ALDOB: variants seen among roughly 807,000 people sequenced by gnomAD.
ALDOB encodes aldolase, fructose-bisphosphate B.
Under a neutral mutation model 41.0 loss-of-function variants are expected in ALDOB, and 39 were observed. That is an observed-to-expected ratio of 0.95 (90% CI 0.74 to 1.24). The LOEUF (loss-of-function observed/expected upper bound fraction) is 1.24. Ranked by LOEUF, ALDOB falls within the 50% of genes most tolerant of loss-of-function variation. The pLI is 0.00. For missense variants in ALDOB, 530 were observed against 457.3 expected, an observed-to-expected ratio of 1.16 and a Z score of -1.45; for synonymous variants, 175 against 168.8, an observed-to-expected ratio of 1.04 and a Z score of -0.28.
chr9:101,423,064 C>T (rs1831072106), intron 8 of ALDOB, among the ~76,000 whole-genome samples: 1 of 152,196 alleles, frequency 6.6e-6, no homozygotes, highest in Admixed American at 6.5e-5. Flanking sequence ...TAAGCTAGGT[C>T]TCCTCAGTCC....
chr9:101,428,228 T>A (rs1831159146), intron 4 of ALDOB, among the ~76,000 whole-genome samples: 1 of 152,182 alleles, frequency 6.6e-6, no homozygotes, highest in Non-Finnish European at 1.5e-5. Flanking sequence ...ATTGTCTAAG[T>A]TAATCCCCAC....
intron 4 of ALDOB, 109 bp downstream of exon 4, chr9:101,428,360 T>C: frequency 9.8e-7 from 1 of 1,018,906 alleles, no homozygotes; most frequent in Non-Finnish European, 1.6e-6. Flanking sequence ...TACGTGTGGC[T>C]CTAAGACCAG....
chr9:101,421,893 C>A lies in ALDOB; in HGVS notation c.1011G>T (p.Gln337His), dbSNP rs566549564. The change falls in exon 9 of 9, where the codon CAG becomes CAT. Residue 337 changes from glutamine (Q) to histidine (H), a missense_variant. Gln to His is a conservative substitution (Grantham distance 24). Coordinates refer to ENST00000647789, the MANE Select transcript of ALDOB (RefSeq NM_000035.4). ...TGTGAACATACTGTCCTTTGGCCGC[C>A]TGGCAGTTAGCCTAGAAGACAAATA... ...AFMKRAMANC[Q>H]AAKGQYVHTG... The A allele has an allele frequency of 6.2e-7, 1 of 1,613,942 alleles. No individual in the cohort carries two copies.
chr9:101,433,547 C>A (rs1447371210), intron 1 of ALDOB, among the ~76,000 whole-genome samples: 1 of 152,106 alleles, frequency 6.6e-6, no homozygotes. Flanking sequence ...GATCTCAAGC[C>A]AACTTTTTTC....
Position 101,427,469 on chromosome 9 carries a change from G to T in ALDOB, c.540+13C>A. 1 of 1,614,138 alleles carries T rather than the reference G, an allele frequency of 6.2e-7. No individual in the cohort carries two copies. The highest frequency in any genetic ancestry group is 8.5e-7 in the Non-Finnish European group (1 of 1,180,006). The stretch of plus-strand genomic sequence containing the variant: ...AGCCTACTCTTTTTCAGCCCAAGGG[G>T]AAGGCAGAGCACCTGCTGACAGATG... On this transcript the variant is annotated intron_variant, in intron 5 of 8. Transcript: ENST00000647789.
rs1312905893 is a variant in ALDOB at position 101,421,833 on chromosome 9, G to T, written c.1071C>A (p.Leu357=). Residue 357 remains leucine, a synonymous_variant, in exon 9 of 9, where the codon CTC becomes CTA. Transcript: ENST00000647789. ...CCTAGTAGGTATAGCAGGCTGTGAA[G>T]AGCGACTGGGTGGAAGCAGCCCCAG... is the stretch of plus-strand genomic sequence containing the variant. ...GSSGAASTQS[L]FTACYTY The T allele has an allele frequency of 3.1e-6, 5 of 1,613,906 alleles. No homozygotes were observed. The highest frequency in any genetic ancestry group is 3.4e-6 in the Non-Finnish European group (4 of 1,179,990).
intron 3 of ALDOB, 145 bp downstream of exon 3, chr9:101,429,610 G>C (rs1221474098): frequency 3.5e-6 from 3 of 850,838 alleles, no homozygotes; most frequent in Non-Finnish European, 6.2e-6. Flanking sequence ...AGAGGATCTT[G>C]TTCTCTGTGG....
chr9:101,430,960 A>G lies in ALDOB; in HGVS notation c.-10-63T>C, dbSNP rs1026142368. 4.4e-6 allele frequency: 5 copies of G among 1,144,286 alleles called. No individual in the cohort carries two copies. The African/African-American group carries it at 6.1e-5, about 14-fold the overall frequency. 70.9% of individuals were successfully genotyped at this position (1,144,286 alleles called of 1,614,324 possible). A position where few individuals can be genotyped will look rare whatever the true frequency, so the allele number is the denominator to read the frequency against. ...GGGTGGCTCAGATGGATGCATGACC[A>G]AGACAGTTGGGGGTGCAGACATGCT... On this transcript the variant is annotated intron_variant, in intron 1 of 8. Transcript: ENST00000647789.
In ALDOB at chr9:101,421,778, G is replaced by C. The variant is rs1488672796; in HGVS notation, c.*31C>G. Reference sequence around the variant, plus strand: ...CTCCCTTTCAGCCCTCCTACTAGAAGCACTGGAGCTAGGCTGGCGGGCATT... The same window carrying C: ...CTCCCTTTCAGCCCTCCTACTAGAACCACTGGAGCTAGGCTGGCGGGCATT... On this transcript the variant is annotated 3_prime_UTR_variant, in exon 9 of 9. Transcript: ENST00000647789. The C allele has an allele frequency of 2.5e-6, 4 of 1,587,192 alleles. No homozygotes were observed.
In ALDOB at chr9:101,426,535, C is replaced by A. The variant is rs374541456; in HGVS notation, c.624+20G>T. ...TAAGATTTTTCAACTAGAATTGGGG[C>A]CTTCATATTTAAAACTTACCTTCTC... is the stretch of plus-strand genomic sequence containing the variant. On this transcript the variant is annotated intron_variant, in intron 6 of 8. Transcript: ENST00000647789. The A allele has an allele frequency of 6.6e-7, 1 of 1,511,668 alleles. No individual in the cohort carries two copies. Among genetic ancestry groups the A allele is most frequent in the Non-Finnish European group, 9.2e-7 (1 of 1,086,568 alleles). The allele number at this position is 1,511,668 out of a possible 1,614,324, so 93.6% of individuals were successfully genotyped here.
intron 8 of ALDOB, among the ~76,000 whole-genome samples, chr9:101,422,257 C>G (rs1034838916): frequency 6.6e-6 from 1 of 152,086 alleles, no homozygotes; most frequent in African/African-American, 2.4e-5. Context: ...AAAAACATTT[C>G]CATTTTCTAC....
chr9:101,420,726 A>G lies in ALDOB; in HGVS notation c.*1083T>C, dbSNP rs1831035154. 1 of 152,066 alleles carries G rather than the reference A, an allele frequency of 6.6e-6. No homozygotes were observed. The highest frequency in any genetic ancestry group is 2.1e-4 in the South Asian group (1 of 4,806). 9.4% of individuals were successfully genotyped at this position (152,066 alleles called of 1,614,324 possible). On this transcript the variant is annotated 3_prime_UTR_variant, in exon 9 of 9. Coordinates refer to ENST00000647789, the MANE Select transcript of ALDOB (RefSeq NM_000035.4). ...CTTTCTTCCACTTCTCCTCCCCCTT[A>G]TATTTCCTAGCTTCTGTCAGTTAAA... is the stretch of plus-strand genomic sequence containing the variant.
chr9:101,427,558 G>A lies in ALDOB; in HGVS notation c.464C>T (p.Ala155Val), dbSNP rs779217290. The stretch of plus-strand genomic sequence containing the variant: ...AGCGAGGCTGGATGGACACTGGTCG[G>A]CAATCCTCAGCACAGCACGCCACTT... Reference protein sequence around the residue: ...FGKWRAVLRIADQCPSSLAIQ... With the variant: ...FGKWRAVLRIVDQCPSSLAIQ... Residue 155 changes from alanine (A) to valine (V), a missense_variant, in exon 5 of 9, where the codon GCC becomes GTC. Transcript: ENST00000647789. 1 of 1,614,130 alleles carries A rather than the reference G, an allele frequency of 6.2e-7. No individual in the cohort carries two copies. The highest frequency in any genetic ancestry group is 1.1e-5 in the South Asian group (1 of 91,080).
Position 101,424,890 on chromosome 9 carries a change from C to A in ALDOB, c.952G>T (p.Ala318Ser), listed in dbSNP as rs1364757729. The change falls in exon 8 of 9, where the codon GCT (alanine) becomes TCT (serine). Residue 318 changes from alanine to serine, a missense_variant. Physicochemically the swap from Ala to Ser is moderately conservative, Grantham distance 99 (BLOSUM62 1). Coordinates refer to ENST00000647789, the MANE Select transcript of ALDOB (RefSeq NM_000035.4). ...ASALAAWGGK[A>S]ANKEATQEAF... ...TCCTGGGTTGCCTCCTTGTTTGCAG[C>A]CTTGCCACCCCAGGCAGCCAGTGCA... is the stretch of plus-strand genomic sequence containing the variant. The A allele has an allele frequency of 4.3e-6, 7 of 1,613,876 alleles. No homozygotes were observed. The highest frequency in any genetic ancestry group is 1.7e-4 in the Middle Eastern group (1 of 5,896).
In ALDOB at chr9:101,429,100, T is replaced by C. The variant is rs573394801; in HGVS notation, c.325-577A>G. 6.6e-5 allele frequency among the ~76,000 whole-genome samples: 10 copies of C among 152,138 alleles called. No individual in the cohort carries two copies. In the South Asian group the frequency reaches 1.0e-3, roughly 16 times the overall value. On this transcript the variant is annotated intron_variant, in intron 3 of 8. Coordinates refer to ENST00000647789, the MANE Select transcript of ALDOB (RefSeq NM_000035.4). ...TAATTATGATAGTTACCATTAACAATAATTACGCAATATAAACTTTTTCTT... is the reference window on the plus strand; with the variant it reads ...TAATTATGATAGTTACCATTAACAACAATTACGCAATATAAACTTTTTCTT...
rs747019279 is a variant in ALDOB, at chr9:101,429,770, G to T, written c.309C>A (p.Ile103=). The change falls in exon 3 of 9, where the codon ATC becomes ATA. Residue 103 remains isoleucine, a synonymous_variant. Transcript: ENST00000647789. The part of the protein sequence containing the change: ...LFRNILKEKG[I]VVGIKLDQGG... The stretch of plus-strand genomic sequence containing the variant: ...AGGTGTTCACCTTGATTCCCACCAC[G>T]ATCCCCTTTTCCTTGAGGATGTTTC... The T allele has an allele frequency of 6.2e-7, 1 of 1,614,142 alleles. No individual in the cohort carries two copies. The highest frequency in any genetic ancestry group is 2.2e-5 in the East Asian group (1 of 44,854).
chr9:101,424,597 C>G (rs745969858), intron 8 of ALDOB, among the ~76,000 whole-genome samples: 12 of 152,166 alleles, frequency 7.9e-5, no homozygotes, highest in Non-Finnish European at 1.6e-4. Flanking sequence ...ATCTCCTTCC[C>G]TCTGAAGTGT....
Position 101,425,520 on chromosome 9 carries a change from A to G in ALDOB, c.732T>C (p.Tyr244=), listed in dbSNP as rs1345605443. 1.9e-6 allele frequency: 3 copies of G among 1,614,156 alleles called. No individual in the cohort carries two copies. Among genetic ancestry groups the G allele is most frequent in the East Asian group, 2.2e-5 (1 of 44,862 alleles). The change falls in exon 7 of 9, where the codon TAT becomes TAC. Residue 244 remains tyrosine, a synonymous_variant. Transcript: ENST00000647789. The stretch of plus-strand genomic sequence containing the variant: ...TGGCCATAGCTACTTGTTCTGGAGT[A>G]TACTTCTTGGTGCAGGCATGTCCAG... ...VTAGHACTKK[Y]TPEQVAMATV...
intron 3 of ALDOB, 31 bp from the exon 4 acceptor site, chr9:101,428,554 A>C (rs745651254): frequency 1.3e-5 from 21 of 1,577,812 alleles, no homozygotes; most frequent in Non-Finnish European, 1.7e-5. Flanking sequence ...CAGGTGTCAG[A>C]TGTCAGGAAA....
Sources: gnomAD v4.1 joint callset for allele counts (sites outside exome capture counted in the v4.1 genomes callset) on GRCh38, gnomAD v4.1.1 for gene constraint, MANE v1.5 for transcripts, NCBI Gene and HGNC (gene_info 2026-07-23, HGNC 2026-07-21) for gene names.